ESYT3: variants seen among roughly 807,000 people sequenced by gnomAD.
The protein encoded by ESYT3 is extended synaptotagmin-3.
In ESYT3, 101 loss-of-function variants were observed where a neutral mutation model predicts 111.5. That is an observed-to-expected ratio of 0.91 (90% CI 0.77 to 1.07). The LOEUF is 1.07. Among genes scored for constraint, ESYT3 ranks in the 50% least tolerant of loss-of-function variants. The pLI is 0.00. For synonymous variants in ESYT3, 416 were observed against 446.8 expected, an observed-to-expected ratio of 0.93 and a Z score of 0.87; for missense variants, 1,097 against 1,109.4, an observed-to-expected ratio of 0.99 and a Z score of 0.16.
At chr3:138,476,620 C>T (rs1021222215) in intron 22 of ESYT3, 128 bp downstream of exon 22, 23 of 1,071,306 alleles carry the variant, frequency 2.1e-5, no homozygotes, top group Admixed American at 9.6e-5. Flanking sequence ...TAAGGCTTTA[C>T]TGCCTGCAGA....
chr3:138,469,210 G>A (rs2033093692), intron 14 of ESYT3: 1 of 596,766 alleles, frequency 1.7e-6, no homozygotes, highest in Non-Finnish European at 3.0e-6. Context: ...CCCAGCTCTG[G>A]CTTCTGGTCT....
At chr3:138,450,190 G>T (rs967448820) in intron 1 of ESYT3, among the ~76,000 whole-genome samples, 8 of 152,216 alleles carry the variant, frequency 5.3e-5, no homozygotes, top group African/African-American at 1.9e-4. Context: ...GATTGAAAGG[G>T]ACCGGTGGGA....
chr3:138,462,111 G>A lies in ESYT3; in HGVS notation c.820G>A (p.Asp274Asn). The A allele has an allele frequency of 2.5e-6, 4 of 1,614,168 alleles. No individual in the cohort carries two copies. The highest frequency in any genetic ancestry group is 3.4e-6 in the Non-Finnish European group (4 of 1,180,028). ...INDVSDSLLE[D>N]LIATHLVLPN... ...TGATGTGTCAGACAGCTTACTGGAG[G>A]ACCTCATTGCCACCCACCTGGTGCT... The change falls in exon 8 of 23, where the codon GAC becomes AAC. Residue 274 changes from aspartate (D) to asparagine (N), a missense_variant. Coordinates refer to ENST00000389567, the MANE Select transcript of ESYT3 (RefSeq NM_031913.5).
intron 5 of ESYT3, 67 bp downstream of exon 5, chr3:138,459,320 C>T (rs1319606715): frequency 2.2e-6 from 3 of 1,341,084 alleles, no homozygotes; most frequent in Admixed American, 2.2e-5. Context: ...AAGGGGAAGC[C>T]AGGTCATGCC....
At position 138,464,526 on chromosome 3, in the gene ESYT3, C is replaced by T; in HGVS notation, c.1086+11C>T. The stretch of plus-strand genomic sequence containing the variant: ...AACGAAGTGTTTGAGGTAAGGGTCT[C>T]CTTGGCTGCTTCTAGCCTTCACTCT... On this transcript the variant is annotated intron_variant, in intron 9 of 22. Coordinates refer to ENST00000389567, the MANE Select transcript of ESYT3 (RefSeq NM_031913.5). The T allele has an allele frequency of 2.5e-6, 4 of 1,613,674 alleles. No individual in the cohort carries two copies. Among genetic ancestry groups the T allele is most frequent in the Non-Finnish European group, 3.4e-6 (4 of 1,179,824 alleles).
At chr3:138,465,550 G>A in intron 10 of ESYT3, 129 bp downstream of exon 10, 1 of 687,434 alleles carries the variant, frequency 1.5e-6, no homozygotes, top group Non-Finnish European at 2.4e-6. Flanking sequence ...TAGTGACTGT[G>A]CCAGGCAACC....
Position 138,460,639 on chromosome 3 carries a change from C to G in ESYT3, c.767C>G (p.Thr256Ser), listed in dbSNP as rs1010337419. 5 of 1,614,014 alleles carry G rather than the reference C, an allele frequency of 3.1e-6. No homozygotes were observed. In the African/African-American group the frequency reaches 4.0e-5, roughly 13 times the overall value. The change falls in exon 7 of 23, where the codon ACC becomes AGC. Residue 256 changes from threonine (T) to serine (S), a missense_variant. Physicochemically the swap from Thr to Ser is moderately conservative, Grantham distance 58. Coordinates refer to ENST00000389567, the MANE Select transcript of ESYT3 (RefSeq NM_031913.5). ...CTACAGATCAACTGGACTGGCCTGA[C>G]CAACCTGCTGGATGCGCCGGGAATC... ...PHLQINWTGL[T>S]NLLDAPGIND... is the part of the protein sequence containing the mutation.
intron 4 of ESYT3, among the ~76,000 whole-genome samples, chr3:138,458,716 C>T (rs977409696): frequency 6.6e-6 from 1 of 152,194 alleles, no homozygotes; most frequent in Admixed American, 6.5e-5. Context: ...GTTACCTTTG[C>T]CCACCTCCAC....
intron 8 of ESYT3, among the ~76,000 whole-genome samples, chr3:138,463,565 A>G (rs1202874073): frequency 6.6e-6 from 1 of 152,202 alleles, no homozygotes; most frequent in East Asian, 1.9e-4. Flanking sequence ...TGGGTCTTTC[A>G]CTATTACAAA....
intron 1 of ESYT3, among the ~76,000 whole-genome samples, chr3:138,446,581 T>C (rs1010591631): frequency 1.3e-5 from 2 of 152,236 alleles, no homozygotes; most frequent in African/African-American, 2.4e-5. Context: ...AAGGTTGTTA[T>C]ATGCTTGTAA....
In ESYT3 at chr3:138,451,896, G is replaced by C. The variant is rs2031954460; in HGVS notation, c.328-152G>C. On this transcript the variant is annotated intron_variant, in intron 1 of 22. Transcript: ENST00000389567. ...CAGGGCTGGACGCCGAGTGGGTGCGGAGAGCGCACCTGTGACCGACGTGGA... is the reference window on the plus strand; with the variant it reads ...CAGGGCTGGACGCCGAGTGGGTGCGCAGAGCGCACCTGTGACCGACGTGGA... 1.6e-5 allele frequency: 13 copies of C among 792,548 alleles called. No homozygotes were observed. In the South Asian group the frequency reaches 1.9e-4, roughly 12 times the overall value. The allele number at this position is 792,548 out of a possible 1,614,324, so 49.1% of individuals were successfully genotyped here. A position where few individuals can be genotyped will look rare whatever the true frequency, so the allele number is the denominator to read the frequency against.
chr3:138,477,679 A>C lies in ESYT3; in HGVS notation c.*825A>C, dbSNP rs1388690411. On this transcript the variant is annotated 3_prime_UTR_variant, in exon 23 of 23. Transcript: ENST00000389567. ...GCTTTCAGATAAGTTTAGGCTATTC[A>C]ACTTTTCTAAAGAGATGGTTGGTTC... is the stretch of plus-strand genomic sequence containing the variant. 1 of 152,242 alleles carries C rather than the reference A, an allele frequency of 6.6e-6. No individual in the cohort carries two copies. Among genetic ancestry groups the C allele is most frequent in the Non-Finnish European group, 1.5e-5 (1 of 68,046 alleles). 9.4% of individuals were successfully genotyped at this position (152,242 alleles called of 1,614,324 possible). A position where few individuals can be genotyped will look rare whatever the true frequency, so the allele number is the denominator to read the frequency against.
intron 16 of ESYT3, 162 bp from the exon 17 acceptor site, chr3:138,470,715 C>A: frequency 6.9e-7 from 1 of 1,448,658 alleles, no homozygotes; most frequent in Non-Finnish European, 9.1e-7. Context: ...AGACAAGGAC[C>A]AGGTCTGGCC....
chr3:138,475,328 G>T (rs2033429654), intron 20 of ESYT3, among the ~76,000 whole-genome samples: 1 of 152,120 alleles, frequency 6.6e-6, no homozygotes, highest in African/African-American at 2.4e-5. Context: ...GAGGGAAGAG[G>T]TTTAACATTT....
rs1353069615 is a variant in ESYT3, at chr3:138,464,373, C to A, written c.944C>A (p.Ala315Glu). The A allele has an allele frequency of 6.2e-7, 1 of 1,614,082 alleles. No individual in the cohort carries two copies. Among genetic ancestry groups the A allele is most frequent in the Non-Finnish European group, 8.5e-7 (1 of 1,179,968 alleles). The change falls in exon 9 of 23, where the codon GCA becomes GAA. Residue 315 changes from alanine to glutamate, a missense_variant. By Grantham distance (107) the Ala-to-Glu change is moderately radical (BLOSUM62 -1). Coordinates refer to ENST00000389567, the MANE Select transcript of ESYT3 (RefSeq NM_031913.5). ...GTGATCAGAGTGCACTTGCTGGAGG[C>A]AGAGCAGCTGGCCCAGAAGGACAAC... ...CGVIRVHLLE[A>E]EQLAQKDNFL...
chr3:138,462,275 A>T (rs1472095646), intron 8 of ESYT3, 69 bp downstream of exon 8: 7 of 1,603,884 alleles, frequency 4.4e-6, no homozygotes, highest in Non-Finnish European at 6.0e-6. Flanking sequence ...CAGCCTTCAC[A>T]TGTGGTGCAT....
intron 1 of ESYT3, among the ~76,000 whole-genome samples, chr3:138,442,591 C>T (rs1720834): frequency 1 from 152,258 of 152,308 alleles, 76,104 homozygotes; most frequent in Middle Eastern, 1. Flanking sequence ...CCTACAGGGC[C>T]CTGAGCATGT....
chr3:138,459,055 A>G (rs1314255324), intron 4 of ESYT3, 132 bp from the exon 5 acceptor site: 2 of 597,910 alleles, frequency 3.3e-6, no homozygotes, highest in Non-Finnish European at 5.8e-6. Context: ...CCATGTGCCC[A>G]GTGCATAGAG....
At chr3:138,438,598 CCTT>C (rs1326353810) in intron 1 of ESYT3, among the ~76,000 whole-genome samples, 2 of 152,144 alleles carry the variant, frequency 1.3e-5, no homozygotes, top group Non-Finnish European at 2.9e-5. Flanking sequence ...GTCTTAGACT[CCTT>C]CTCAACATTT....
Sources: allele counts gnomAD v4.1 joint callset (sites outside exome capture counted in the v4.1 genomes callset), GRCh38; gene constraint gnomAD v4.1.1; transcripts MANE v1.5; gene names NCBI Gene and HGNC (gene_info 2026-07-23, HGNC 2026-07-21).